Variants in RPL22 observed in about 807,000 individuals in gnomAD.
RPL22 encodes ribosomal protein L22, also known as large ribosomal subunit protein eL22.
Under a neutral mutation model 16.2 loss-of-function variants are expected in RPL22, and 4 were observed. The ratio of observed to expected loss-of-function variants is 0.25; its 90% confidence interval spans 0.12 to 0.57. The LOEUF is 0.57. Among genes scored for constraint, RPL22 ranks in the 20% least tolerant of loss-of-function variants. The pLI is 0.92. For missense variants in RPL22, 83 were observed against 156.1 expected (o/e 0.53, Z 2.49); for synonymous variants, 43 against 54.8 (o/e 0.78, Z 0.95).
intron 2 of RPL22, among the ~76,000 whole-genome samples, chr1:6,196,128 G>A (rs1423249214): frequency 6.6e-6 from 1 of 152,190 alleles, no homozygotes; most frequent in Non-Finnish European, 1.5e-5. Context: ...GGGGCACAGA[G>A]TGATTAGGTC....
At chr1:6,198,731 G>A (rs964277687) in intron 1 of RPL22, 4 of 152,100 alleles carry the variant, frequency 2.6e-5, no homozygotes, top group African/African-American at 7.2e-5. Flanking sequence ...ATCTAAGAGG[G>A]GTACTTTAAG....
chr1:6,191,357 C>T (rs1667647872), intron 3 of RPL22, among the ~76,000 whole-genome samples: 3 of 80,968 alleles, frequency 3.7e-5, no homozygotes, highest in African/African-American at 6.8e-5. Flanking sequence ...GAGACTCCGT[C>T]TCAAAAAAAA....
intron 2 of RPL22, among the ~76,000 whole-genome samples, chr1:6,194,982 C>T (rs1667696445): frequency 6.6e-6 from 1 of 151,910 alleles, no homozygotes; most frequent in Non-Finnish European, 1.5e-5. Flanking sequence ...ACTAAAAATA[C>T]AGAAAATTAG....
chr1:6,189,777 C>T (rs920061337), intron 3 of RPL22, among the ~76,000 whole-genome samples: 2 of 151,978 alleles, frequency 1.3e-5, no homozygotes, highest in Admixed American at 6.6e-5. Flanking sequence ...AAAAATTAAC[C>T]GGGCGTGGTG....
chr1:6,197,570 CAG>C (rs1224487955), intron 2 of RPL22, 80 bp downstream of exon 2: 9 of 892,424 alleles, frequency 1.0e-5, no homozygotes, highest in East Asian at 7.7e-5. Context: ...AGCCTGAAAA[CAG>C]AAATGTACCC....
At chr1:6,191,772 C>T (rs1161021841) in intron 3 of RPL22, among the ~76,000 whole-genome samples, 2 of 151,652 alleles carry the variant, frequency 1.3e-5, no homozygotes, top group Non-Finnish European at 2.9e-5. Context: ...CTGAGGCAGA[C>T]GAATCACCTG....
intron 2 of RPL22, among the ~76,000 whole-genome samples, chr1:6,195,620 C>T (rs1038794201): frequency 3.0e-4 from 45 of 151,200 alleles, no homozygotes; most frequent in African/African-American, 1.0e-3. Context: ...GGCATGGTGG[C>T]ACACGCCTGT....
intron 3 of RPL22, among the ~76,000 whole-genome samples, chr1:6,192,049 A>C (rs1667659161): frequency 6.6e-6 from 1 of 151,270 alleles, no homozygotes; most frequent in Non-Finnish European, 1.5e-5. Flanking sequence ...GACAGGAGGC[A>C]ATTTTTTTTT....
At chr1:6,196,683 G>A (rs182002958) in intron 2 of RPL22, among the ~76,000 whole-genome samples, 57 of 152,082 alleles carry the variant, frequency 3.7e-4, no homozygotes, top group East Asian at 9.7e-4. Context: ...AAAATGTGGC[G>A]GAAGGATTAT....
rs985348560 is a variant in RPL22 at position 6,193,074 on chromosome 1, G to A, written c.118-20C>T. The A allele has an allele frequency of 1.9e-6, 3 of 1,613,072 alleles. No individual in the cohort carries two copies. The highest frequency in any genetic ancestry group is 3.3e-5 in the Admixed American group (2 of 59,970). ...CTGCTCCTGTAGAAATCATTAAATT[G>A]ACCAATGAAGTGACAAGTTCATCTG... On this transcript the variant is annotated intron_variant, in intron 2 of 3. Transcript: ENST00000234875.
At chr1:6,187,180 C>T (rs572717760) in intron 3 of RPL22, among the ~76,000 whole-genome samples, 2 of 151,938 alleles carry the variant, frequency 1.3e-5, no homozygotes, top group East Asian at 1.9e-4. Flanking sequence ...TGGTGGTGCA[C>T]GCCTGTAATC....
chr1:6,188,594 C>T (rs1028922960), intron 3 of RPL22, among the ~76,000 whole-genome samples: 1 of 151,750 alleles, frequency 6.6e-6, no homozygotes, highest in Non-Finnish European at 1.5e-5. Context: ...AGCTCTCTCA[C>T]CGGCTTGCTT....
intron 3 of RPL22, among the ~76,000 whole-genome samples, chr1:6,187,752 C>G (rs1050010253): frequency 1.3e-5 from 2 of 152,032 alleles, no homozygotes; most frequent in Non-Finnish European, 2.9e-5. Context: ...TAGAAATTTA[C>G]AGTTAAGTAC....
intron 3 of RPL22, among the ~76,000 whole-genome samples, chr1:6,188,410 C>A (rs533648395): frequency 3.3e-5 from 5 of 152,286 alleles, no homozygotes; most frequent in African/African-American, 9.6e-5. Context: ...GACCTAAGGG[C>A]TGGGCACAGT....
chr1:6,195,512 G>C (rs1667704967), intron 2 of RPL22, among the ~76,000 whole-genome samples: 1 of 151,754 alleles, frequency 6.6e-6, no homozygotes, highest in South Asian at 2.1e-4. Context: ...TACTTTGGGA[G>C]GCCGAGGCTG....
At chr1:6,190,134 G>A (rs983337656) in intron 3 of RPL22, among the ~76,000 whole-genome samples, 1 of 152,138 alleles carries the variant, frequency 6.6e-6, no homozygotes, top group East Asian at 1.9e-4. Context: ...CCTCACCCTG[G>A]TAAACAGGTC....
At position 6,192,969 on chromosome 1, in the gene RPL22, C is replaced by T. The variant is rs945532378; in HGVS notation, c.203G>A (p.Ser68Asn). 2 of 1,614,054 alleles carry T rather than the reference C, an allele frequency of 1.2e-6. No individual in the cohort carries two copies. Among genetic ancestry groups the T allele is most frequent in the Non-Finnish European group, 1.7e-6 (2 of 1,180,026 alleles). Residue 68 changes from serine to asparagine, a missense_variant, in exon 3 of 4, where the codon AGC (serine) becomes AAC (asparagine). Coordinates refer to ENST00000234875, the MANE Select transcript of RPL22 (RefSeq NM_000983.4). ...GGVVTIERSKSKITVTSEVPF... is the reference protein window; with the variant it reads ...GGVVTIERSKNKITVTSEVPF... ...CACCTCGGATGTCACGGTGATCTTG[C>T]TCTTGCTCCTTTCGATGGTCACCAC...
In RPL22 at chr1:6,186,070, C is replaced by A. The variant is rs1667578454; in HGVS notation, c.*602G>T. On this transcript the variant is annotated 3_prime_UTR_variant, in exon 4 of 4. Coordinates refer to ENST00000234875, the MANE Select transcript of RPL22 (RefSeq NM_000983.4). ...CTGTACACATTTAGTTAATTTAGAA[C>A]CTGGGACTTTTACAATCGATTCCCC... is the stretch of plus-strand genomic sequence containing the variant. 2 of 231,634 alleles carry A rather than the reference C, an allele frequency of 8.6e-6. No homozygotes were observed. The highest frequency in any genetic ancestry group is 1.8e-4 in the South Asian group (1 of 5,514). 14.3% of individuals were successfully genotyped at this position (231,634 alleles called of 1,614,324 possible). A position where few individuals can be genotyped will look rare whatever the true frequency, so the allele number is the denominator to read the frequency against.
intron 3 of RPL22, among the ~76,000 whole-genome samples, chr1:6,187,125 T>C (rs965563565): frequency 6.6e-6 from 1 of 151,752 alleles, no homozygotes; most frequent in Non-Finnish European, 1.5e-5. Flanking sequence ...CTGAACAACA[T>C]GGTGAAACCC....
Sources: allele counts gnomAD v4.1 joint callset (sites outside exome capture counted in the v4.1 genomes callset), GRCh38; gene constraint gnomAD v4.1.1; transcripts MANE v1.5; gene names NCBI Gene and HGNC (gene_info 2026-07-23, HGNC 2026-07-21).